RABEP1: variants seen among roughly 807,000 people sequenced by gnomAD.
The protein encoded by RABEP1 is rabaptin, RAB GTPase binding effector protein 1.
A neutral mutation model predicts 123.4 loss-of-function variants in RABEP1; 51 were observed. The observed-to-expected ratio is 0.41, with a 90% CI of 0.33 to 0.52. The LOEUF is 0.52. Among genes scored for constraint, RABEP1 ranks in the 20% least tolerant of loss-of-function variants. The pLI is 0.16. For synonymous variants in RABEP1, 347 were observed against 355.2 expected (o/e 0.98, Z 0.26); for missense variants, 888 against 996.3 (o/e 0.89, Z 1.46).
chr17:5,357,728 C>T (rs1180199612), intron 8 of RABEP1, among the ~76,000 whole-genome samples: 1 of 151,964 alleles, frequency 6.6e-6, no homozygotes, highest in Non-Finnish European at 1.5e-5. Context: ...AGTTCAATGC[C>T]CCTGAAAAAA....
At chr17:5,305,015 T>A (rs2075167868) in intron 1 of RABEP1, among the ~76,000 whole-genome samples, 1 of 152,222 alleles carries the variant, frequency 6.6e-6, no homozygotes, top group Non-Finnish European at 1.5e-5. Context: ...ACATGAACTA[T>A]TAGCTAATGA....
intron 5 of RABEP1, among the ~76,000 whole-genome samples, chr17:5,341,239 C>G (rs1421229336): frequency 6.6e-6 from 1 of 152,016 alleles, no homozygotes; most frequent in Non-Finnish European, 1.5e-5. Context: ...CATGGTGGCT[C>G]CACTGCACGC....
intron 2 of RABEP1, among the ~76,000 whole-genome samples, chr17:5,320,436 A>AG (rs922281264): frequency 1.3e-5 from 2 of 148,790 alleles, no homozygotes; most frequent in South Asian, 2.1e-4. Flanking sequence ...AAAAAAAAAA[A>AG]AAAAAAAAGA....
At position 5,382,325 on chromosome 17, in the gene RABEP1, A is replaced by G. The variant is rs564809667; in HGVS notation, c.2488-797A>G. Among the ~76,000 whole-genome samples, 57 of 151,292 alleles carry G rather than the reference A, an allele frequency of 3.8e-4. 1 individual carries two copies. The East Asian group carries it at 0.011, about 29-fold the overall frequency. On this transcript the variant is annotated intron_variant, in intron 17 of 17. Coordinates refer to ENST00000537505, the MANE Select transcript of RABEP1 (RefSeq NM_004703.6). ...TCAAACTCCTGACCTCAGGTGATCC[A>G]CCTGCCTCAGCCTCCCAAATTGCTG...
chr17:5,286,733 A>G (rs2074981798), intron 1 of RABEP1, among the ~76,000 whole-genome samples: 1 of 152,234 alleles, frequency 6.6e-6, no homozygotes. Flanking sequence ...GGAATACATC[A>G]GTAGGCAATA....
At chr17:5,290,308 T>A (rs1469930676) in intron 1 of RABEP1, among the ~76,000 whole-genome samples, 2 of 152,224 alleles carry the variant, frequency 1.3e-5, no homozygotes, top group Non-Finnish European at 2.9e-5. Flanking sequence ...CAGGATGGTC[T>A]CGCTCTCCTG....
chr17:5,351,963 T>C (rs1908594788), intron 7 of RABEP1, among the ~76,000 whole-genome samples: 1 of 152,168 alleles, frequency 6.6e-6, no homozygotes, highest in Admixed American at 6.5e-5. Flanking sequence ...TCTCAAATAA[T>C]CTTGCAGCTA....
intron 2 of RABEP1, among the ~76,000 whole-genome samples, chr17:5,310,794 T>G (rs2075230976): frequency 6.6e-6 from 1 of 151,802 alleles, no homozygotes; most frequent in Non-Finnish European, 1.5e-5. Context: ...GAAACTTGAG[T>G]GTGCATTTGT....
Position 5,282,540 on chromosome 17 carries a change from A to AGGCGCGGCG in RABEP1, c.34+29_34+37dup, listed in dbSNP as rs1173023281. On this transcript the variant is annotated intron_variant, in intron 1 of 17. Transcript: ENST00000537505. The stretch of plus-strand genomic sequence containing the variant: ...CTGACGGTGAGGCGCCCACCATGGC[A>AGGCGCGGCG]GGCGCGGCGGGCGCGGCCTGCCCGG... 6.7e-6 allele frequency: 8 copies of AGGCGCGGCG among 1,193,540 alleles called. No homozygotes were observed. Among genetic ancestry groups the AGGCGCGGCG allele is most frequent in the African/African-American group, 1.6e-5 (1 of 62,846 alleles). The allele number at this position is 1,193,540 out of a possible 1,614,324, so 73.9% of individuals were successfully genotyped here. A position where few individuals can be genotyped will look rare whatever the true frequency, so the allele number is the denominator to read the frequency against.
intron 5 of RABEP1, 79 bp from the exon 6 acceptor site, chr17:5,346,711 G>A (rs1047413802): frequency 8.1e-7 from 1 of 1,227,570 alleles, no homozygotes; most frequent in African/African-American, 1.5e-5. Context: ...TTGAGGCATA[G>A]CCAGAACTTA....
chr17:5,344,771 CAAAAAAAAAAAAA>C (rs1177790100), intron 5 of RABEP1, among the ~76,000 whole-genome samples: 1 of 46,938 alleles, frequency 2.1e-5, no homozygotes, highest in Admixed American at 3.2e-4. Context: ...GACACTGTCT[CAAAAAAAAAAAAA>C]AAAAAAAAAA....
intron 5 of RABEP1, among the ~76,000 whole-genome samples, chr17:5,345,932 T>C (rs982123562): frequency 2.6e-5 from 4 of 152,054 alleles, no homozygotes; most frequent in Non-Finnish European, 5.9e-5. Flanking sequence ...TAAAGTGACG[T>C]AATCCTTGAT....
At chr17:5,333,176 T>G (rs1319711360) in intron 3 of RABEP1, among the ~76,000 whole-genome samples, 1 of 152,142 alleles carries the variant, frequency 6.6e-6, no homozygotes, top group East Asian at 1.9e-4. Context: ...TATTTTTTAC[T>G]TTTTGAGATG....
At chr17:5,293,252 A>G (rs950820678) in intron 1 of RABEP1, among the ~76,000 whole-genome samples, 3 of 151,696 alleles carry the variant, frequency 2.0e-5, no homozygotes, top group Non-Finnish European at 4.4e-5. Flanking sequence ...GCACCATTGC[A>G]CTCCAGCCTG....
rs1911778814 is a variant in RABEP1 at position 5,384,512 on chromosome 17, TAGTGAACTA to T, written c.*1290_*1298del. 4.6e-6 allele frequency: 1 copy of T among 216,054 alleles called. No homozygotes were observed. The highest frequency in any genetic ancestry group is 9.3e-6 in the Non-Finnish European group (1 of 107,406). 13.4% of individuals were successfully genotyped at this position (216,054 alleles called of 1,614,324 possible). A position where few individuals can be genotyped will look rare whatever the true frequency, so the allele number is the denominator to read the frequency against. On this transcript the variant is annotated 3_prime_UTR_variant, in exon 18 of 18. Transcript: ENST00000537505. ...GTACCTGAAAGAGCCTTCTGGGAGT[TAGTGAACTA>T]GGTAGATTGTTTTGTTCACATAACG... is the stretch of plus-strand genomic sequence containing the variant.
chr17:5,373,301 A>G lies in RABEP1; in HGVS notation c.1885-13A>G. The G allele has an allele frequency of 6.2e-7, 1 of 1,609,128 alleles. No homozygotes were observed. Among genetic ancestry groups the G allele is most frequent in the South Asian group, 1.1e-5 (1 of 90,240 alleles). ...ACCTTTCTGGCTGTGATTAGTATCTACTTCTATTTTAGGCGGTGCTGATGC... is the reference window on the plus strand; with the variant it reads ...ACCTTTCTGGCTGTGATTAGTATCTGCTTCTATTTTAGGCGGTGCTGATGC... On this transcript the variant is annotated splice_polypyrimidine_tract_variant and intron_variant, in intron 12 of 17. Transcript: ENST00000537505.
intron 16 of RABEP1, 89 bp from the exon 17 acceptor site, chr17:5,381,300 C>T: frequency 6.5e-7 from 1 of 1,541,882 alleles, no homozygotes; most frequent in Non-Finnish European, 8.7e-7. Context: ...CACCTTTCTG[C>T]CCTAGTAGTA....
chr17:5,370,793 A>G (rs1910464338), intron 12 of RABEP1, among the ~76,000 whole-genome samples: 1 of 152,182 alleles, frequency 6.6e-6, no homozygotes, highest in Admixed American at 6.5e-5. Flanking sequence ...GACTATATCA[A>G]TATTACTACC....
chr17:5,318,154 A>AC, intron 2 of RABEP1, among the ~76,000 whole-genome samples: 1 of 152,288 alleles, frequency 6.6e-6, no homozygotes, highest in South Asian at 2.1e-4. Flanking sequence ...GGTTGTAGGA[A>AC]CCTCGATTTA....
Sources: allele counts gnomAD v4.1 joint callset (sites outside exome capture counted in the v4.1 genomes callset), GRCh38; gene constraint gnomAD v4.1.1; transcripts MANE v1.5; gene names NCBI Gene and HGNC (gene_info 2026-07-23, HGNC 2026-07-21).